Variants in TFRC observed in about 807,000 individuals in gnomAD.
TFRC encodes the protein transferrin receptor.
In TFRC, 35 loss-of-function variants were observed where a neutral mutation model predicts 85.8. That is an observed-to-expected ratio of 0.41 (90% CI 0.31 to 0.54). The LOEUF is 0.54. TFRC is among the 20% of genes least tolerant of loss of function. TFRC has a pLI of 0.31. For missense variants in TFRC, 828 were observed against 921.5 expected, an observed-to-expected ratio of 0.90 and a Z score of 1.31; for synonymous variants, 362 against 328.6, an observed-to-expected ratio of 1.10 and a Z score of -1.10.
intron 9 of TFRC, 52 bp from the exon 10 acceptor site, chr3:196,065,652 T>C (rs1717676749): frequency 6.5e-7 from 1 of 1,538,082 alleles, no homozygotes; most frequent in African/African-American, 1.4e-5. Context: ...TTGCCCAGGG[T>C]TTACTCCTGT....
chr3:196,056,000 C>T (rs1172127545), intron 16 of TFRC, among the ~76,000 whole-genome samples: 2 of 151,282 alleles, frequency 1.3e-5, no homozygotes, highest in Non-Finnish European at 3.0e-5. Context: ...GACGAGGCCT[C>T]TCTCTGTCAC....
chr3:196,053,063 G>A (rs1201657414), intron 18 of TFRC, among the ~76,000 whole-genome samples: 6 of 151,514 alleles, frequency 4.0e-5, no homozygotes, highest in Non-Finnish European at 5.9e-5. Flanking sequence ...GCAGTGAGCC[G>A]AGACCGTGCC....
At chr3:196,081,964 C>T (rs1160263851) in intron 1 of TFRC, 79 bp downstream of exon 1, 5 of 152,374 alleles carry the variant, frequency 3.3e-5, no homozygotes, top group African/African-American at 1.2e-4. Context: ...TGGACAGCAC[C>T]GGAGCGGCCG....
chr3:196,079,233 C>T (rs1264830980), intron 1 of TFRC, among the ~76,000 whole-genome samples: 1 of 152,108 alleles, frequency 6.6e-6, no homozygotes, highest in East Asian at 1.9e-4. Context: ...TCATCCTTTT[C>T]TAGGAAAAAA....
chr3:196,072,814 T>C (rs1046973986), intron 4 of TFRC: 1 of 152,110 alleles, frequency 6.6e-6, no homozygotes, highest in Non-Finnish European at 1.5e-5. Flanking sequence ...TAAAACTCTA[T>C]GGACAAGTGT....
At chr3:196,074,865 T>G (rs1718524114) in intron 3 of TFRC, among the ~76,000 whole-genome samples, 1 of 117,154 alleles carries the variant, frequency 8.5e-6, no homozygotes, top group African/African-American at 3.4e-5. Context: ...AGCCACAGAG[T>G]GAGACTCCAA....
At chr3:196,057,820 A>G (rs1445916426) in intron 16 of TFRC, 1 of 152,104 alleles carries the variant, frequency 6.6e-6, no homozygotes, top group Non-Finnish European at 1.5e-5. Context: ...ACAAACAAAA[A>G]AAACCCAACA....
intron 11 of TFRC, chr3:196,063,520 A>C (rs1195576205): frequency 1.3e-5 from 2 of 152,464 alleles, no homozygotes; most frequent in Admixed American, 6.5e-5. Flanking sequence ...ACTCTGTATT[A>C]AAGTTAAGCA....
intron 1 of TFRC, among the ~76,000 whole-genome samples, chr3:196,077,361 G>A (rs2108659150): frequency 6.6e-6 from 1 of 151,808 alleles, no homozygotes; most frequent in Non-Finnish European, 1.5e-5. Context: ...TGTTGCCCAG[G>A]CTGGTCTTGA....
rs1259881070 is a variant in TFRC at position 196,072,006 on chromosome 3, T to A, written c.581A>T (p.Asp194Val). ...DQHFVKIQVK[D>V]SAQNSVIIVD... ...AGTTTACCATCTTTCAACATACCTG[T>A]CTTTGACCTGAATCTTAACAAAATG... The change falls in exon 5 of 19, where the codon GAC becomes GTC. Residue 194 changes from aspartate to valine, a missense_variant. Transcript: ENST00000360110. 3.1e-6 allele frequency: 5 copies of A among 1,612,848 alleles called. No homozygotes were observed. Among genetic ancestry groups the A allele is most frequent in the Non-Finnish European group, 4.2e-6 (5 of 1,179,610 alleles).
At chr3:196,057,504 G>A (rs1577221498) in intron 16 of TFRC, among the ~76,000 whole-genome samples, 1 of 152,168 alleles carries the variant, frequency 6.6e-6, no homozygotes, top group African/African-American at 2.4e-5. Context: ...TTAACTCGGT[G>A]TCTGAGGGGA....
chr3:196,072,536 A>G (rs1327763553), intron 4 of TFRC, among the ~76,000 whole-genome samples: 1 of 152,140 alleles, frequency 6.6e-6, no homozygotes, highest in African/African-American at 2.4e-5. Flanking sequence ...AATACCCTGA[A>G]GCAGAACTGC....
At chr3:196,068,610 CAAAAAAAAAAAAAA>C (rs55807772) in intron 7 of TFRC, among the ~76,000 whole-genome samples, 1 of 41,816 alleles carries the variant, frequency 2.4e-5, no homozygotes, top group African/African-American at 1.1e-4. Context: ...AACTCCCTCT[CAAAAAAAAAAAAAA>C]AAAAAAAAAA....
intron 13 of TFRC, 74 bp from the exon 14 acceptor site, chr3:196,060,321 A>G: frequency 1.6e-6 from 2 of 1,239,976 alleles, no homozygotes; most frequent in South Asian, 1.3e-5. Flanking sequence ...TACAACTATA[A>G]GTACTTGACA....
chr3:196,076,619 T>G (rs1008476812), intron 2 of TFRC, among the ~76,000 whole-genome samples: 2 of 151,870 alleles, frequency 1.3e-5, no homozygotes, highest in African/African-American at 4.8e-5. Context: ...TCAGCTAATT[T>G]TTTTTTTTTT....
chr3:196,074,660 C>G (rs1037557404), intron 3 of TFRC, among the ~76,000 whole-genome samples: 2 of 152,008 alleles, frequency 1.3e-5, no homozygotes, highest in Admixed American at 1.3e-4. Flanking sequence ...GCGGGCAGAT[C>G]ACGAGGTCAG....
intron 13 of TFRC, chr3:196,060,521 G>A (rs572995707): frequency 5.3e-5 from 18 of 339,198 alleles, no homozygotes; most frequent in African/African-American, 8.6e-5. Flanking sequence ...CAGTTAGGCC[G>A]GGCACGGTGG....
rs1234365558 is a variant in TFRC, at chr3:196,065,534, T to G, written c.1107A>C (p.Glu369Asp). The change falls in exon 10 of 19, where the codon GAA becomes GAC. Residue 369 changes from glutamate (E) to aspartate (D), a missense_variant. Physicochemically the swap from Glu to Asp is conservative, Grantham distance 45 (BLOSUM62 2). Coordinates refer to ENST00000360110, the MANE Select transcript of TFRC (RefSeq NM_001128148.3). ...TCACAGTGAGCTTCACATTCTTGCT[T>G]TCTGAGGTTACCATCCTACATGTAG... ...TDSTCRMVTS[E>D]SKNVKLTVSN... 1 of 1,612,686 alleles carries G rather than the reference T, an allele frequency of 6.2e-7. No homozygotes were observed. The highest frequency in any genetic ancestry group is 8.5e-7 in the Non-Finnish European group (1 of 1,179,560).
intron 14 of TFRC, chr3:196,058,872 A>G: frequency 3.6e-6 from 1 of 275,322 alleles, no homozygotes; most frequent in East Asian, 7.8e-5. Flanking sequence ...TTAACATTTT[A>G]AAAGTGGGCC....
Sources: allele counts gnomAD v4.1 joint callset (sites outside exome capture counted in the v4.1 genomes callset), GRCh38; gene constraint gnomAD v4.1.1; transcripts MANE v1.5; gene names NCBI Gene and HGNC (gene_info 2026-07-23, HGNC 2026-07-21).